ISY1: variants seen among roughly 807,000 people sequenced by gnomAD.
ISY1 encodes the protein ISY1 spliceosome associated protein.
A neutral mutation model predicts 54.4 loss-of-function variants in ISY1; 12 were observed. The ratio of observed to expected loss-of-function variants is 0.22; its 90% CI spans 0.14 to 0.36. ISY1 has a LOEUF of 0.36. Among genes scored for constraint, ISY1 ranks in the 10% least tolerant of loss-of-function variants. The pLI, the probability that ISY1 is intolerant of heterozygous loss-of-function variation, is 1.00. For missense variants in ISY1, 282 were observed against 342.2 expected (o/e 0.82, Z 1.39); for synonymous variants, 96 against 117.9 (o/e 0.81, Z 1.20).
intron 9 of ISY1, 95 bp from the exon 10 acceptor site, chr3:129,130,731 G>GAA: frequency 2.3e-6 from 3 of 1,303,794 alleles, no homozygotes; most frequent in Non-Finnish European, 3.1e-6. Context: ...CTATTTAAAA[G>GAA]AAAAAAAAAC....
chr3:129,148,261 G>C (rs1936834375), intron 5 of ISY1, among the ~76,000 whole-genome samples: 1 of 152,166 alleles, frequency 6.6e-6, no homozygotes, highest in African/African-American at 2.4e-5. Context: ...ATGAGTTTTT[G>C]TGTAACAGAA....
chr3:129,133,059 G>T (rs764718865), intron 9 of ISY1, among the ~76,000 whole-genome samples: 7 of 152,140 alleles, frequency 4.6e-5, no homozygotes, highest in Non-Finnish European at 8.8e-5. Context: ...AGGCAGCAAG[G>T]ACTCCAAATA....
At chr3:129,133,693 C>CA (rs980389126) in intron 9 of ISY1, among the ~76,000 whole-genome samples, 67 of 151,526 alleles carry the variant, frequency 4.4e-4, no homozygotes, top group African/African-American at 1.4e-3. Context: ...GATTCCGTTT[C>CA]AAAAAAAATA....
chr3:129,132,156 CCACATGGATCTCCA>C (rs925571496), intron 9 of ISY1, among the ~76,000 whole-genome samples: 2 of 151,996 alleles, frequency 1.3e-5, no homozygotes, highest in African/African-American at 4.8e-5. Flanking sequence ...GTCATGATGG[CCACATGGATCTCCA>C]CACATGGAGA....
Position 129,159,111 on chromosome 3 carries a change from T to A in ISY1, c.26+43A>T, listed in dbSNP as rs777443805. On this transcript the variant is annotated intron_variant, in intron 2 of 10. Coordinates refer to ENST00000393295, the MANE Select transcript of ISY1 (RefSeq NM_020701.4). ...ACACAAAGAGTTACATGGTGGTTTT[T>A]AAGTTACAAAAAATTTACAGCCAAA... The A allele has an allele frequency of 8.7e-6, 14 of 1,601,344 alleles. No individual in the cohort carries two copies. The Middle Eastern group carries it at 8.3e-4, about 95-fold the overall frequency.
In ISY1 at chr3:129,134,836, C is replaced by A. The variant is rs755800409; in HGVS notation, c.537G>T (p.Lys179Asn). 9 of 1,606,976 alleles carry A rather than the reference C, an allele frequency of 5.6e-6. No individual in the cohort carries two copies. The African/African-American group carries it at 1.2e-4, about 21-fold the overall frequency. Residue 179 changes from lysine to asparagine, a missense_variant, in exon 8 of 11, where the codon AAG (lysine) becomes AAT (asparagine). Physicochemically the swap from Lys to Asn is moderately conservative, Grantham distance 94. This residue lies in a region of ISY1 where 279 missense variants were observed against 323.6 expected (regional missense o/e 0.86). Transcript: ENST00000393295. The part of the protein sequence containing the change: ...VIVPLEQEYE[K>N]KLRAELVEKW... ...ATAAAATGCCCAGAGACCTACGTTT[C>A]TTTTCATATTCCTGTTCCAAAGGCA...
rs1936749541 is a variant in ISY1, at chr3:129,145,743, G to A, written c.300+18C>T. On this transcript the variant is annotated intron_variant, in intron 6 of 10. Coordinates refer to ENST00000393295, the MANE Select transcript of ISY1 (RefSeq NM_020701.4). ...GAAAACTAGACAAGACCCGCCACTG[G>A]GGCTGCCATGTACTCACTCCATAAT... 6.2e-7 allele frequency: 1 copy of A among 1,611,056 alleles called. No homozygotes were observed. Among genetic ancestry groups the A allele is most frequent in the Non-Finnish European group, 8.5e-7 (1 of 1,178,394 alleles).
At position 129,129,982 on chromosome 3, in the gene ISY1, G is replaced by C; in HGVS notation, c.*99C>G. The C allele has an allele frequency of 1.1e-6, 1 of 872,486 alleles. No homozygotes were observed. The allele number at this position is 872,486 out of a possible 1,614,324, so 54.0% of individuals were successfully genotyped here. On this transcript the variant is annotated 3_prime_UTR_variant, in exon 11 of 11. Transcript: ENST00000393295. ...AGGAGAGGGAAGGAAGGCTGAGAATGGGGCAGGAGCCCTTGCAGCACCAGC... is the reference window on the plus strand; with the variant it reads ...AGGAGAGGGAAGGAAGGCTGAGAATCGGGCAGGAGCCCTTGCAGCACCAGC...
chr3:129,148,066 G>A (rs1936828356), intron 5 of ISY1, among the ~76,000 whole-genome samples: 2 of 151,978 alleles, frequency 1.3e-5, no homozygotes, highest in African/African-American at 2.4e-5. Context: ...GACTCAAAGC[G>A]ATCCTCCCAC....
At chr3:129,153,434 A>G (rs981101500) in intron 5 of ISY1, among the ~76,000 whole-genome samples, 1 of 152,196 alleles carries the variant, frequency 6.6e-6, no homozygotes, top group Non-Finnish European at 1.5e-5. Context: ...GGCTTAGCAC[A>G]TCCCTGGCCT....
chr3:129,140,270 T>C (rs1414440116), intron 7 of ISY1, 98 bp downstream of exon 7: 6 of 1,048,522 alleles, frequency 5.7e-6, no homozygotes, highest in African/African-American at 1.6e-5. Context: ...AAGGCTGTTA[T>C]GCAACTAAGA....
At position 129,160,946 on chromosome 3, in the gene ISY1, G is replaced by A. The variant is rs771243429; in HGVS notation, c.3+27C>T. 3 of 226,190 alleles carry A rather than the reference G, an allele frequency of 1.3e-5. No homozygotes were observed. The African/African-American group carries it at 1.6e-4, about 12-fold the overall frequency. The allele number at this position is 226,190 out of a possible 1,614,324, so 14.0% of individuals were successfully genotyped here. A position where few individuals can be genotyped will look rare whatever the true frequency, so the allele number is the denominator to read the frequency against. The stretch of plus-strand genomic sequence containing the variant: ...CCCCCGCCCGCCCGCCCATCCACTC[G>A]CTCCCTCACCCGCCCACCCTACTCA... On this transcript the variant is annotated intron_variant, in intron 1 of 10. Transcript: ENST00000393295.
At chr3:129,140,606 C>T (rs1472033417) in intron 6 of ISY1, 121 bp from the exon 7 acceptor site, 4 of 1,094,880 alleles carry the variant, frequency 3.7e-6, no homozygotes, top group South Asian at 3.2e-5. Context: ...GGTGGAGTCT[C>T]GCTCTGTTGC....
intron 5 of ISY1, among the ~76,000 whole-genome samples, chr3:129,148,098 G>C (rs990475009): frequency 6.6e-6 from 1 of 151,972 alleles, no homozygotes; most frequent in African/African-American, 2.4e-5. Flanking sequence ...AAAGTGCTGG[G>C]GATTACAGGC....
chr3:129,133,881 G>A (rs1046979005), intron 9 of ISY1, among the ~76,000 whole-genome samples, 193 bp downstream of exon 9: 8 of 152,174 alleles, frequency 5.3e-5, no homozygotes, highest in African/African-American at 1.9e-4. Flanking sequence ...AAGCACGGCC[G>A]GCAGGGCACT....
chr3:129,132,958 GCTC>G (rs1273955794), intron 9 of ISY1, among the ~76,000 whole-genome samples: 6 of 152,150 alleles, frequency 3.9e-5, no homozygotes, highest in African/African-American at 1.4e-4. Context: ...GTCTCAGCAA[GCTC>G]CTCATGTGGA....
chr3:129,138,792 G>A (rs1265124730), intron 7 of ISY1, among the ~76,000 whole-genome samples: 7 of 148,480 alleles, frequency 4.7e-5, no homozygotes, highest in Admixed American at 6.7e-5. Context: ...TCCAGCCTGC[G>A]CAACAGAGCA....
chr3:129,156,235 G>C lies in ISY1; in HGVS notation c.187+398C>G, dbSNP rs573905530. 5.9e-5 allele frequency among the ~76,000 whole-genome samples: 9 copies of C among 151,732 alleles called. No homozygotes were observed. In the East Asian group the frequency reaches 1.6e-3, roughly 26 times the overall value. On this transcript the variant is annotated intron_variant, in intron 5 of 10. Coordinates refer to ENST00000393295, the MANE Select transcript of ISY1 (RefSeq NM_020701.4). ...AACATGGTGAAACCCTGTCTCTACT[G>C]AAAGTACAAAAAAATTAGCCGGGCG...
intron 6 of ISY1, chr3:129,144,063 C>A: frequency 6.8e-6 from 2 of 296,044 alleles, no homozygotes; most frequent in Non-Finnish European, 1.4e-5. Context: ...CGAATTTTTT[C>A]ATACCTGAGA....
Sources: allele counts gnomAD v4.1 joint callset (sites outside exome capture counted in the v4.1 genomes callset), GRCh38; gene constraint gnomAD v4.1.1; regional missense constraint gnomAD v4.1.1; transcripts MANE v1.5; gene names NCBI Gene and HGNC (gene_info 2026-07-23, HGNC 2026-07-21).